Variants in ZNF672 observed in about 807,000 individuals in gnomAD.
The protein encoded by ZNF672 is hypothetical protein FLJ22301.
For missense variants in ZNF672, 733 were observed against 701.1 expected (o/e 1.05, Z -0.51); for synonymous variants, 358 against 305.6 (o/e 1.17, Z -1.79).
Position 248,848,890 on chromosome 1 carries a change from A to T in ZNF672, c.*257A>T, listed in dbSNP as rs1572201485. On this transcript the variant is annotated 3_prime_UTR_variant, in exon 4 of 4. Transcript: ENST00000306562. ...CAGGTGTAGGTGCAGGGAGTCAGGG[A>T]ACCCTTAGACTCCCCTGTGTGCAAG... 3 of 706,298 alleles carry T rather than the reference A, an allele frequency of 4.2e-6. No homozygotes were observed. In the East Asian group the frequency reaches 8.4e-5, roughly 20 times the overall value. 43.8% of individuals were successfully genotyped at this position (706,298 alleles called of 1,614,324 possible).
chr1:248,841,976 G>C (rs1664686049), intron 1 of ZNF672, among the ~76,000 whole-genome samples: 1 of 152,184 alleles, frequency 6.6e-6, no homozygotes, highest in African/African-American at 2.4e-5. Context: ...GAGCACTTGG[G>C]CTGAGAGCAA....
chr1:248,842,709 C>T (rs141674268), intron 1 of ZNF672: 1 of 152,242 alleles, frequency 6.6e-6, no homozygotes, highest in East Asian at 1.9e-4. Flanking sequence ...GCTTCTATCT[C>T]ATCTGGATTT....
chr1:248,845,890 GCCC>G (rs569135169), intron 3 of ZNF672, among the ~76,000 whole-genome samples: 337 of 152,268 alleles, frequency 2.2e-3, no homozygotes, highest in African/African-American at 7.7e-3. Context: ...CTGACCTGTG[GCCC>G]CTGAGAGAAG....
At position 248,847,819 on chromosome 1, in the gene ZNF672, C is replaced by T. The variant is rs760482517; in HGVS notation, c.545C>T (p.Ala182Val). ...FRSGAGLRSH[A>V]RIHVSRSPTR... ...AGCGGCGCCGGGCTGCGGAGTCACG[C>T]GCGCATCCACGTGTCCCGGAGCCCC... is the stretch of plus-strand genomic sequence containing the variant. Residue 182 changes from alanine to valine, a missense_variant, in exon 4 of 4, where the codon GCG becomes GTG. Ala to Val is a moderately conservative substitution (Grantham distance 64, BLOSUM62 0). Transcript: ENST00000306562. 6.4e-6 allele frequency: 10 copies of T among 1,558,718 alleles called. No individual in the cohort carries two copies. The highest frequency in any genetic ancestry group is 7.8e-6 in the Non-Finnish European group (9 of 1,156,854).
chr1:248,843,499 T>G (rs1664709699), intron 1 of ZNF672, among the ~76,000 whole-genome samples: 1 of 152,250 alleles, frequency 6.6e-6, no homozygotes, highest in African/African-American at 2.4e-5. Context: ...TTACTGAAGC[T>G]CTGAAGGTCA....
At position 248,841,666 on chromosome 1, in the gene ZNF672, A is replaced by T. The variant is rs577049497; in HGVS notation, c.-474-2817A>T. ...GCTCGGCACGGTGGCTCACACCTGT[A>T]ATGCCAGCACTTTGGGAGGCTGAAG... On this transcript the variant is annotated intron_variant, in intron 1 of 3. Coordinates refer to ENST00000306562, the MANE Select transcript of ZNF672 (RefSeq NM_024836.3). Among the ~76,000 whole-genome samples, 16 of 152,376 alleles carry T rather than the reference A, an allele frequency of 1.1e-4. No individual in the cohort carries two copies. The South Asian group carries it at 2.9e-3, about 28-fold the overall frequency.
In ZNF672 at chr1:248,847,554, C is replaced by T. The variant is rs1359458779; in HGVS notation, c.280C>T (p.Gln94Ter). ...RLDLHLGAHR[Q>*]RCRTCPCRTC... ...TGACCTACACTTGGGCGCACACCGGCAGCGATGCCGCACTTGCCCCTGCCG... is the reference window on the plus strand; with the variant it reads ...TGACCTACACTTGGGCGCACACCGGTAGCGATGCCGCACTTGCCCCTGCCG... The change falls in exon 4 of 4, where the codon CAG becomes TAG. Residue 94 changes from glutamine (Q) to a stop codon, truncating the protein, a stop_gained. Transcript: ENST00000306562. LOFTEE classifies it low-confidence loss of function (END_TRUNC). 1.3e-6 allele frequency: 2 copies of T among 1,585,554 alleles called. No homozygotes were observed. The highest frequency in any genetic ancestry group is 1.7e-5 in the Admixed American group (1 of 57,308).
Position 248,848,021 on chromosome 1 carries a change from C to G in ZNF672, c.747C>G (p.His249Gln). Residue 249 changes from histidine to glutamine, a missense_variant, in exon 4 of 4, where the codon CAC (histidine) becomes CAG (glutamine). By Grantham distance (24) the His-to-Gln change is conservative. Transcript: ENST00000306562. ...SATLVRHQRT[H>Q]TGEKPYACGD... ...CGCTGGTGCGCCACCAGCGCACACA[C>G]ACGGGCGAGAAGCCGTACGCATGTG... 6.4e-7 allele frequency: 1 copy of G among 1,556,028 alleles called. No homozygotes were observed. The highest frequency in any genetic ancestry group is 8.7e-7 in the Non-Finnish European group (1 of 1,150,898).
chr1:248,847,295 A>C lies in ZNF672; in HGVS notation c.21A>C (p.Ala7=). 1 of 1,602,520 alleles carries C rather than the reference A, an allele frequency of 6.2e-7. No homozygotes were observed. Among genetic ancestry groups the C allele is most frequent in the Non-Finnish European group, 8.5e-7 (1 of 1,170,082 alleles). MFATSG[A]VAAGKPYSCS... ...TCACCATGTTTGCCACATCTGGGGC[A>C]GTGGCAGCGGGGAAGCCTTACTCGT... is the stretch of plus-strand genomic sequence containing the variant. Residue 7 remains alanine, a synonymous_variant, in exon 4 of 4, where the codon GCA becomes GCC. Transcript: ENST00000306562.
In ZNF672 at chr1:248,847,630, G is replaced by A. The variant is rs891665462; in HGVS notation, c.356G>A (p.Arg119His). ...PHLPALLLHR[R>H]RQHLPERPRR... is the part of the protein sequence containing the mutation. The stretch of plus-strand genomic sequence containing the variant: ...CTCCCGGCGCTGCTGCTACACCGGC[G>A]CCGCCAGCATCTGCCAGAGCGGCCC... The change falls in exon 4 of 4, where the codon CGC becomes CAC. Residue 119 changes from arginine (R) to histidine (H), a missense_variant. Physicochemically the swap from Arg to His is conservative, Grantham distance 29 (BLOSUM62 0). Transcript: ENST00000306562. The A allele has an allele frequency of 2.0e-6, 3 of 1,519,308 alleles. No homozygotes were observed. The highest frequency in any genetic ancestry group is 2.8e-5 in the African/African-American group (2 of 72,476). The allele number at this position is 1,519,308 out of a possible 1,614,324, so 94.1% of individuals were successfully genotyped here. A position where few individuals can be genotyped will look rare whatever the true frequency, so the allele number is the denominator to read the frequency against.
At chr1:248,846,943 A>C in intron 3 of ZNF672, 109 bp from the exon 4 acceptor site, 1 of 249,326 alleles carries the variant, frequency 4.0e-6, no homozygotes. Context: ...GGGGAAGGGA[A>C]TCCTGGAGAT....
At position 248,848,915 on chromosome 1, in the gene ZNF672, G is replaced by T; in HGVS notation, c.*282G>T. 4.4e-6 allele frequency: 3 copies of T among 683,100 alleles called. No homozygotes were observed. The highest frequency in any genetic ancestry group is 8.3e-6 in the Non-Finnish European group (3 of 363,230). The allele number at this position is 683,100 out of a possible 1,614,324, so 42.3% of individuals were successfully genotyped here. ...AACCCTTAGACTCCCCTGTGTGCAA[G>T]AGCCCAGGTGTTGGTGTGTCCCTTT... On this transcript the variant is annotated 3_prime_UTR_variant, in exon 4 of 4. Transcript: ENST00000306562.
At position 248,847,672 on chromosome 1, in the gene ZNF672, G is replaced by C; in HGVS notation, c.398G>C (p.Cys133Ser). ...GAGCGGCCCCGCCGCTGCCCGCTGTGCGCCCGCACCTTCCGGCAGAGCGCG... is the reference window on the plus strand; with the variant it reads ...GAGCGGCCCCGCCGCTGCCCGCTGTCCGCCCGCACCTTCCGGCAGAGCGCG... ...LPERPRRCPLCARTFRQSALL... is the reference protein window; with the variant it reads ...LPERPRRCPLSARTFRQSALL... Residue 133 changes from cysteine to serine, a missense_variant, in exon 4 of 4, where the codon TGC (cysteine) becomes TCC (serine). Transcript: ENST00000306562. 6.7e-7 allele frequency: 1 copy of C among 1,481,968 alleles called. No homozygotes were observed. Among genetic ancestry groups the C allele is most frequent in the Non-Finnish European group, 8.9e-7 (1 of 1,121,954 alleles). The allele number at this position is 1,481,968 out of a possible 1,614,324, so 91.8% of individuals were successfully genotyped here.
In ZNF672 at chr1:248,847,560, T is replaced by C; in HGVS notation, c.286T>C (p.Cys96Arg). 6.3e-7 allele frequency: 1 copy of C among 1,580,768 alleles called. No individual in the cohort carries two copies. The highest frequency in any genetic ancestry group is 8.6e-7 in the Non-Finnish European group (1 of 1,166,546). ...ACACTTGGGCGCACACCGGCAGCGA[T>C]GCCGCACTTGCCCCTGCCGCACATG... ...DLHLGAHRQR[C>R]RTCPCRTCGR... is the part of the protein sequence containing the mutation. Residue 96 changes from cysteine (C) to arginine (R), a missense_variant, in exon 4 of 4, where the codon TGC (cysteine) becomes CGC (arginine). By Grantham distance (180) the Cys-to-Arg change is radical. Coordinates refer to ENST00000306562, the MANE Select transcript of ZNF672 (RefSeq NM_024836.3).
intron 1 of ZNF672, 146 bp from the exon 2 acceptor site, chr1:248,844,337 T>C (rs1445206140): frequency 6.6e-6 from 1 of 152,222 alleles, no homozygotes; most frequent in Non-Finnish European, 1.5e-5. Flanking sequence ...CTTCCCTCTT[T>C]CCAAACTTTC....
chr1:248,844,868 A>G (rs1263126352), intron 2 of ZNF672, among the ~76,000 whole-genome samples: 1 of 152,126 alleles, frequency 6.6e-6, no homozygotes, highest in East Asian at 1.9e-4. Context: ...GGAAGTTTTT[A>G]TTTTCAGGAG....
At chr1:248,843,072 T>G (rs1664703883) in intron 1 of ZNF672, among the ~76,000 whole-genome samples, 1 of 151,994 alleles carries the variant, frequency 6.6e-6, no homozygotes, top group South Asian at 2.1e-4. Context: ...CCTGGGGCCT[T>G]TAGGAAGGGG....
At position 248,849,080 on chromosome 1, in the gene ZNF672, G is replaced by C. The variant is rs183207263; in HGVS notation, c.*447G>C. Reference sequence around the variant, plus strand: ...CTCTTCAGGTAATGGTCACAGATTTGGCTGTAGGCACGTTACCAGCCCTGT... The same window carrying C: ...CTCTTCAGGTAATGGTCACAGATTTCGCTGTAGGCACGTTACCAGCCCTGT... On this transcript the variant is annotated 3_prime_UTR_variant, in exon 4 of 4. Coordinates refer to ENST00000306562, the MANE Select transcript of ZNF672 (RefSeq NM_024836.3). 7 of 478,462 alleles carry C rather than the reference G, an allele frequency of 1.5e-5. No homozygotes were observed. The highest frequency in any genetic ancestry group is 1.2e-4 in the African/African-American group (6 of 50,472). 29.6% of individuals were successfully genotyped at this position (478,462 alleles called of 1,614,324 possible).
chr1:248,847,647 G>C lies in ZNF672; in HGVS notation c.373G>C (p.Glu125Gln), dbSNP rs780555003. Residue 125 changes from glutamate to glutamine, a missense_variant, in exon 4 of 4, where the codon GAG (glutamate) becomes CAG (glutamine). Coordinates refer to ENST00000306562, the MANE Select transcript of ZNF672 (RefSeq NM_024836.3). ...ACACCGGCGCCGCCAGCATCTGCCA[G>C]AGCGGCCCCGCCGCTGCCCGCTGTG... ...LLHRRRQHLP[E>Q]RPRRCPLCAR... 2 of 1,506,924 alleles carry C rather than the reference G, an allele frequency of 1.3e-6. No individual in the cohort carries two copies. The highest frequency in any genetic ancestry group is 1.2e-5 in the South Asian group (1 of 81,158). The allele number at this position is 1,506,924 out of a possible 1,614,324, so 93.3% of individuals were successfully genotyped here.
Sources: gnomAD v4.1 joint callset for allele counts (sites outside exome capture counted in the v4.1 genomes callset) on GRCh38, gnomAD v4.1.1 for gene constraint, MANE v1.5 for transcripts, NCBI Gene and HGNC (gene_info 2026-07-23, HGNC 2026-07-21) for gene names.